Variants in CNTN5 observed in about 807,000 individuals in gnomAD.
The protein encoded by CNTN5 is contactin 5.
A neutral mutation model predicts 129.1 loss-of-function variants in CNTN5; 77 were observed. The ratio of observed to expected loss-of-function variants is 0.60; its 90% CI spans 0.50 to 0.72. CNTN5 has a LOEUF of 0.72. Ranked by LOEUF, CNTN5 falls within the 30% of genes least tolerant of loss-of-function variation. CNTN5 has a pLI of 0.00. For synonymous variants in CNTN5, 509 were observed against 465.6 expected, an observed-to-expected ratio of 1.09 and a Z score of -1.20; for missense variants, 1,478 against 1,328.8, an observed-to-expected ratio of 1.11 and a Z score of -1.75.
chr11:99,550,432 A>G (rs984865214), intron 2 of CNTN5, among the ~76,000 whole-genome samples: 2 of 152,172 alleles, frequency 1.3e-5, no homozygotes, highest in African/African-American at 4.8e-5. Flanking sequence ...AATTCACCTC[A>G]AAAACTTATT....
chr11:99,247,813 G>T (rs1196261064), intron 1 of CNTN5, among the ~76,000 whole-genome samples: 1 of 151,860 alleles, frequency 6.6e-6, no homozygotes, highest in Non-Finnish European at 1.5e-5. Flanking sequence ...ATGGCTGCAT[G>T]GTATTCCATG....
chr11:99,683,456 A>G (rs1409296937), intron 3 of CNTN5, among the ~76,000 whole-genome samples: 1 of 151,928 alleles, frequency 6.6e-6, no homozygotes, highest in East Asian at 1.9e-4. Flanking sequence ...ATATGCAAAA[A>G]TAAATTTATA....
chr11:99,566,938 A>G (rs1401434024), intron 3 of CNTN5, among the ~76,000 whole-genome samples: 1 of 152,224 alleles, frequency 6.6e-6, no homozygotes, highest in Non-Finnish European at 1.5e-5. Flanking sequence ...ATATATTTCT[A>G]GCAAAAGTTG....
intron 21 of CNTN5, among the ~76,000 whole-genome samples, chr11:100,330,264 A>T (rs569226047): frequency 6.6e-6 from 1 of 152,350 alleles, no homozygotes; most frequent in East Asian, 1.9e-4. Flanking sequence ...GAATTAACTC[A>T]ATCCATCAAA....
intron 6 of CNTN5, among the ~76,000 whole-genome samples, chr11:99,869,273 G>A (rs1398007757): frequency 6.6e-6 from 1 of 151,958 alleles, no homozygotes; most frequent in African/African-American, 2.4e-5. Flanking sequence ...GATACACAGA[G>A]GAAATTAAAA....
intron 3 of CNTN5, among the ~76,000 whole-genome samples, chr11:99,576,034 A>G (rs2466904): frequency 0.89 from 134,994 of 152,148 alleles, 60,166 homozygotes; most frequent in East Asian, 1. Context: ...TGTGGCCTGT[A>G]TATTCCAGCA....
chr11:100,119,709 C>G (rs1945952249), intron 13 of CNTN5, among the ~76,000 whole-genome samples: 1 of 151,780 alleles, frequency 6.6e-6, no homozygotes. Context: ...AAACGGAAAG[C>G]TAGAGTAGAT....
intron 2 of CNTN5, among the ~76,000 whole-genome samples, chr11:99,413,452 C>G (rs1565562243): frequency 6.6e-6 from 1 of 152,036 alleles, no homozygotes; most frequent in Non-Finnish European, 1.5e-5. Flanking sequence ...AACACTGTCT[C>G]TACTAAAAAT....
chr11:99,810,675 G>A (rs867410372), intron 3 of CNTN5, among the ~76,000 whole-genome samples: 2 of 152,040 alleles, frequency 1.3e-5, no homozygotes, highest in African/African-American at 4.8e-5. Flanking sequence ...TTCTCCACAC[G>A]ACTGGCTTTG....
chr11:99,544,303 G>A (rs910523743), intron 2 of CNTN5, among the ~76,000 whole-genome samples: 4 of 152,106 alleles, frequency 2.6e-5, no homozygotes, highest in African/African-American at 4.8e-5. Context: ...CCAACACTGC[G>A]AATTACAACT....
At chr11:99,801,302 A>C (rs1374829777) in intron 3 of CNTN5, among the ~76,000 whole-genome samples, 1 of 152,166 alleles carries the variant, frequency 6.6e-6, no homozygotes, top group Non-Finnish European at 1.5e-5. Flanking sequence ...AGAAGTCTGC[A>C]GTTAATCTGA....
At position 100,224,672 on chromosome 11, in the gene CNTN5, G is replaced by T; in HGVS notation, c.1885-20G>T. On this transcript the variant is annotated intron_variant, in intron 15 of 24. Transcript: ENST00000524871. ...GGCAGATTTGCAACATTTTAAACTG[G>T]CACTTCATCCCTCTTTCAGCAAGCA... The T allele has an allele frequency of 5.6e-6, 9 of 1,601,884 alleles. No individual in the cohort carries two copies. Among genetic ancestry groups the T allele is most frequent in the Non-Finnish European group, 7.7e-6 (9 of 1,171,484 alleles).
chr11:99,800,229 C>A (rs1946071505), intron 3 of CNTN5, among the ~76,000 whole-genome samples: 1 of 152,028 alleles, frequency 6.6e-6, no homozygotes, highest in Non-Finnish European at 1.5e-5. Context: ...ACTTAAAAGT[C>A]ATTCAGGAGA....
intron 18 of CNTN5, among the ~76,000 whole-genome samples, chr11:100,281,129 C>G (rs1028649650): frequency 6.6e-6 from 1 of 152,146 alleles, no homozygotes; most frequent in Non-Finnish European, 1.5e-5. Context: ...TTATACTCCA[C>G]AGTTACAGTG....
At chr11:99,564,957 C>G (rs574817167) in intron 3 of CNTN5, among the ~76,000 whole-genome samples, 85 of 152,098 alleles carry the variant, frequency 5.6e-4, no homozygotes, top group Non-Finnish European at 9.6e-4. Context: ...GTTTTTTTAA[C>G]TATCATATTC....
At chr11:100,147,032 C>T (rs1025950156) in intron 13 of CNTN5, among the ~76,000 whole-genome samples, 5 of 152,094 alleles carry the variant, frequency 3.3e-5, no homozygotes, top group Non-Finnish European at 5.9e-5. Flanking sequence ...CACATGTAAA[C>T]GTGATCATGT....
intron 13 of CNTN5, among the ~76,000 whole-genome samples, chr11:100,181,161 T>G (rs1948128819): frequency 6.6e-6 from 1 of 151,990 alleles, no homozygotes; most frequent in African/African-American, 2.4e-5. Context: ...CCAGATGTTG[T>G]TCAATAGCTG....
chr11:100,236,043 C>T lies in CNTN5; in HGVS notation c.2005+11231C>T, dbSNP rs1949606158. ...AGCCCTGAGAAGCTGGAGCTGCTTG[C>T]TTTTATTCAGTGCAGGCACAATGCC... is the stretch of plus-strand genomic sequence containing the variant. On this transcript the variant is annotated intron_variant, in intron 16 of 24. Coordinates refer to ENST00000524871, the MANE Select transcript of CNTN5 (RefSeq NM_014361.4). Among the ~76,000 whole-genome samples, 3 of 152,180 alleles carry T rather than the reference C, an allele frequency of 2.0e-5. No homozygotes were observed. In the South Asian group the frequency reaches 6.2e-4, roughly 31 times the overall value.
rs544571894 is a variant in CNTN5, at chr11:100,270,987, A to T, written c.2165-105A>T. On this transcript the variant is annotated intron_variant, in intron 17 of 24. Coordinates refer to ENST00000524871, the MANE Select transcript of CNTN5 (RefSeq NM_014361.4). ...CCATGACCACGTGTCGTGAGGAAATATGCATTAGCCTTCTGATTCTGTCAG... is the reference window on the plus strand; with the variant it reads ...CCATGACCACGTGTCGTGAGGAAATTTGCATTAGCCTTCTGATTCTGTCAG... 6 of 882,190 alleles carry T rather than the reference A, an allele frequency of 6.8e-6. No homozygotes were observed. In the South Asian group the frequency reaches 1.1e-4, roughly 16 times the overall value. 54.6% of individuals were successfully genotyped at this position (882,190 alleles called of 1,614,324 possible).
Sources: gnomAD v4.1 joint callset for allele counts (sites outside exome capture counted in the v4.1 genomes callset) on GRCh38, gnomAD v4.1.1 for gene constraint, MANE v1.5 for transcripts, NCBI Gene and HGNC (gene_info 2026-07-23, HGNC 2026-07-21) for gene names.